Variants in ATRX observed in about 807,000 individuals in gnomAD.
ATRX encodes the protein ATRX chromatin remodeler.
ATRX carries 12 observed loss-of-function variants against 172.6 expected under a neutral mutation model. The ratio of observed to expected loss-of-function variants is 0.07; its 90% CI spans 0.04 to 0.11. The LOEUF (loss-of-function observed/expected upper bound fraction) is 0.11, where lower values mean the gene tolerates loss of function less well. ATRX is among the 10% of genes least tolerant of loss of function. ATRX has a pLI of 1.00. For synonymous variants in ATRX, 674 were observed against 594.7 expected (o/e 1.13, Z -1.94); for missense variants, 1,368 against 1,767.4 (o/e 0.77, Z 4.05).
At chrX:77,590,770 T>C (rs547123327) in intron 26 of ATRX, among the ~76,000 whole-genome samples, 3 of 111,585 alleles carry the variant, frequency 2.7e-5, no homozygotes, top group African/African-American at 6.5e-5. Flanking sequence ...AAATGGAGCA[T>C]AAATCTAACT....
Position 77,626,647 on chromosome X carries a change from T to C in ATRX, c.5135-6115A>G, listed in dbSNP as rs537711739. Reference sequence around the variant, plus strand: ...TCTTATGAGTTACCAAGCCTGAGGGTGGCTTTGAGGACCACCTAAATGTTG... The same window carrying C: ...TCTTATGAGTTACCAAGCCTGAGGGCGGCTTTGAGGACCACCTAAATGTTG... On this transcript the variant is annotated intron_variant, in intron 19 of 34. Coordinates refer to ENST00000373344, the MANE Select transcript of ATRX (RefSeq NM_000489.6). Among the ~76,000 whole-genome samples the C allele has an allele frequency of 3.0e-4, 34 of 111,480 alleles. 1 individual carries two copies. The South Asian group carries it at 0.013, about 41-fold the overall frequency.
chrX:77,780,977 G>A (rs1017526180), intron 1 of ATRX, among the ~76,000 whole-genome samples: 22 of 110,493 alleles, frequency 2.0e-4, no homozygotes, highest in African/African-American at 4.0e-4. Flanking sequence ...AGTCTTGTTC[G>A]TTCTGCAAAT....
At chrX:77,672,203 G>C (rs990397574) in intron 10 of ATRX, among the ~76,000 whole-genome samples, 1 of 110,679 alleles carries the variant, frequency 9.0e-6, no homozygotes, top group East Asian at 2.8e-4. Flanking sequence ...AAGCAGTTTT[G>C]CTAACGAAAC....
chrX:77,507,768 C>T lies in ATRX; in HGVS notation c.*583G>A, dbSNP rs1602300564. ...AGCAGTAGTATTTAAGAATATTGCA[C>T]ACAATTCTGTGTCAAAGATAACCCT... On this transcript the variant is annotated 3_prime_UTR_variant, in exon 35 of 35. Coordinates refer to ENST00000373344, the MANE Select transcript of ATRX (RefSeq NM_000489.6). 1 of 175,855 alleles carries T rather than the reference C, an allele frequency of 5.7e-6. No homozygotes were observed. Among genetic ancestry groups the T allele is most frequent in the East Asian group, 8.1e-5 (1 of 12,356 alleles). 14.5% of individuals were successfully genotyped at this position (175,855 alleles called of 1,213,427 possible).
chrX:77,645,631 A>G (rs1357447346), intron 15 of ATRX, among the ~76,000 whole-genome samples: 2 of 112,457 alleles, frequency 1.8e-5, no homozygotes, highest in African/African-American at 6.5e-5. Context: ...AAGATCTCCT[A>G]GAAGAGATAC....
chrX:77,507,061 T>C lies in ATRX; in HGVS notation c.*1290A>G, dbSNP rs2147638627. ...CCAAAATTGTACATGAATAAATTTA[T>C]AGGTCATTTTTGCAGAACTGGATTA... is the stretch of plus-strand genomic sequence containing the variant. On this transcript the variant is annotated 3_prime_UTR_variant, in exon 35 of 35. Transcript: ENST00000373344. The C allele has an allele frequency of 5.9e-6, 1 of 170,903 alleles. No individual in the cohort carries two copies. Among genetic ancestry groups the C allele is most frequent in the East Asian group, 8.2e-5 (1 of 12,219 alleles). The allele number at this position is 170,903 out of a possible 1,213,427, so 14.1% of individuals were successfully genotyped here.
intron 1 of ATRX, among the ~76,000 whole-genome samples, chrX:77,755,081 A>C (rs1418905733): frequency 1.8e-5 from 2 of 112,083 alleles, no homozygotes; most frequent in African/African-American, 6.5e-5. Context: ...TATTTCAGTA[A>C]GTTCATCTTC....
intron 1 of ATRX, among the ~76,000 whole-genome samples, chrX:77,778,494 G>A (rs1389097949): frequency 2.7e-5 from 3 of 109,356 alleles, no homozygotes; most frequent in Non-Finnish European, 3.8e-5. Context: ...AGGCCAAGGC[G>A]GGCGGATCAT....
chrX:77,679,515 A>C (rs1297500137), intron 9 of ATRX, among the ~76,000 whole-genome samples: 1 of 112,060 alleles, frequency 8.9e-6, no homozygotes, highest in Non-Finnish European at 1.9e-5. Context: ...TATTTGCCAT[A>C]TATCACCATC....
At chrX:77,698,895 G>T (rs782680824) in intron 2 of ATRX, 1 of 384,005 alleles carries the variant, frequency 2.6e-6, no homozygotes, top group South Asian at 2.9e-5. Flanking sequence ...TATAAATATT[G>T]CAAGACATTT....
At chrX:77,745,587 C>A (rs1265448482) in intron 1 of ATRX, among the ~76,000 whole-genome samples, 1 of 111,268 alleles carries the variant, frequency 9.0e-6, no homozygotes, top group Non-Finnish European at 1.9e-5. Flanking sequence ...TTACCAGAGG[C>A]TAGGACGGGT....
chrX:77,625,736 C>T (rs1198104009), intron 19 of ATRX, among the ~76,000 whole-genome samples: 2 of 109,743 alleles, frequency 1.8e-5, no homozygotes, highest in African/African-American at 3.3e-5. Context: ...AATCAAAAAA[C>T]AGTAGATGTT....
chrX:77,713,934 T>C (rs1557163151), intron 2 of ATRX, among the ~76,000 whole-genome samples: 1 of 111,591 alleles, frequency 9.0e-6, no homozygotes, highest in African/African-American at 3.3e-5. Context: ...ACTCAAGAGA[T>C]AATCAGGAGG....
chrX:77,597,188 A>G (rs1189672910), intron 25 of ATRX, among the ~76,000 whole-genome samples: 1 of 111,027 alleles, frequency 9.0e-6, no homozygotes, highest in Non-Finnish European at 1.9e-5. Context: ...TTTATGGGGT[A>G]ACAGAAGAGA....
In ATRX at chrX:77,529,371, G is replaced by A. The variant is rs377305751; in HGVS notation, c.6700-5970C>T. Among the ~76,000 whole-genome samples the A allele has an allele frequency of 1.3e-4, 15 of 111,275 alleles. No individual in the cohort carries two copies. The East Asian group carries it at 1.4e-3, about 10-fold the overall frequency. On this transcript the variant is annotated intron_variant, in intron 30 of 34. Coordinates refer to ENST00000373344, the MANE Select transcript of ATRX (RefSeq NM_000489.6). The stretch of plus-strand genomic sequence containing the variant: ...CATAATCATCAGATTATCCAAGGTC[G>A]AAATGAAAGAAAAAATGTTGAGGGC...
chrX:77,715,384 T>C (rs192987388), intron 2 of ATRX, among the ~76,000 whole-genome samples: 5 of 112,054 alleles, frequency 4.5e-5, no homozygotes, highest in African/African-American at 1.3e-4. Context: ...GGCTATAACA[T>C]ATAGCCTAGG....
chrX:77,618,751 G>A (rs2148256529), intron 21 of ATRX, 55 bp downstream of exon 21: 1 of 1,068,371 alleles, frequency 9.4e-7, no homozygotes, highest in East Asian at 3.0e-5. Flanking sequence ...AAAATATGTT[G>A]GGATTGTTAT....
At chrX:77,539,043 C>T (rs1557049596) in intron 30 of ATRX, among the ~76,000 whole-genome samples, 4 of 109,530 alleles carry the variant, frequency 3.7e-5, no homozygotes, top group Non-Finnish European at 7.6e-5. Context: ...TACAGGTGAG[C>T]ACCACCAAGC....
chrX:77,520,694 A>G, intron 34 of ATRX, 94 bp downstream of exon 34: 3 of 939,282 alleles, frequency 3.2e-6, no homozygotes, highest in Non-Finnish European at 4.4e-6. Flanking sequence ...CCTCCATAGT[A>G]GGAATAATTA....
Sources: allele counts gnomAD v4.1 joint callset (sites outside exome capture counted in the v4.1 genomes callset), GRCh38; gene constraint gnomAD v4.1.1; transcripts MANE v1.5; gene names NCBI Gene and HGNC (gene_info 2026-07-23, HGNC 2026-07-21).